Variants in MRTFB observed in about 807,000 individuals in gnomAD.
MRTFB encodes myocardin-related transcription factor B.
MRTFB carries 29 observed loss-of-function variants against 104.2 expected under a neutral mutation model. That is an observed-to-expected ratio of 0.28 (90% CI 0.21 to 0.38). The LOEUF is 0.38. Ranked by LOEUF, MRTFB falls within the 10% of genes least tolerant of loss-of-function variation. MRTFB has a pLI of 1.00. For synonymous variants in MRTFB, 535 were observed against 519.5 expected, an observed-to-expected ratio of 1.03 and a Z score of -0.41; for missense variants, 1,270 against 1,341.6, an observed-to-expected ratio of 0.95 and a Z score of 0.83.
chr16:14,224,356 A>G (rs536730103), intron 8 of MRTFB, among the ~76,000 whole-genome samples: 2 of 152,284 alleles, frequency 1.3e-5, no homozygotes, highest in East Asian at 3.9e-4. Flanking sequence ...TACACCTACT[A>G]CAGTGTGCCT....
rs2043829989 is a variant in MRTFB, at chr16:14,263,086, A to G, written c.*1642A>G. 1 of 152,362 alleles carries G rather than the reference A, an allele frequency of 6.6e-6. No homozygotes were observed. The highest frequency in any genetic ancestry group is 6.5e-5 in the Admixed American group (1 of 15,284). 9.4% of individuals were successfully genotyped at this position (152,362 alleles called of 1,614,324 possible). On this transcript the variant is annotated 3_prime_UTR_variant, in exon 17 of 17. Transcript: ENST00000571589. ...AAAAGTCTGCTTTTCCAGCATGAGC[A>G]CACTGGAGCCCTCTGCTCACTGGCA...
At chr16:14,135,316 C>T (rs1404747241) in intron 2 of MRTFB, among the ~76,000 whole-genome samples, 1 of 152,254 alleles carries the variant, frequency 6.6e-6, no homozygotes, top group Non-Finnish European at 1.5e-5. Flanking sequence ...TACAATCATG[C>T]ACCACATAAC....
the MRTFB span, among the ~76,000 whole-genome samples, chr16:14,051,548 CACAG>C: frequency 6.6e-6 from 1 of 152,000 alleles, no homozygotes; most frequent in South Asian, 2.1e-4. Flanking sequence ...TAAAGACACA[CACAG>C]ACAGTACACT....
intron 3 of MRTFB, among the ~76,000 whole-genome samples, chr16:14,146,888 A>G (rs1481904601): frequency 6.6e-6 from 1 of 152,198 alleles, no homozygotes; most frequent in South Asian, 2.1e-4. Flanking sequence ...GGAAATTTCT[A>G]CTTTTCTCTG....
chr16:14,093,211 T>C (rs2035181292), intron 2 of MRTFB, among the ~76,000 whole-genome samples: 1 of 151,868 alleles, frequency 6.6e-6, no homozygotes, highest in Admixed American at 6.5e-5. Flanking sequence ...GTTGTATTTA[T>C]ATAAAGAGTG....
At chr16:14,080,538 G>A (rs2034335329) in intron 2 of MRTFB, among the ~76,000 whole-genome samples, 1 of 152,152 alleles carries the variant, frequency 6.6e-6, no homozygotes, top group Non-Finnish European at 1.5e-5. Flanking sequence ...GAAGAATACA[G>A]TATATCATAA....
At chr16:14,168,149 T>C (rs1293561133) in intron 3 of MRTFB, among the ~76,000 whole-genome samples, 1 of 152,136 alleles carries the variant, frequency 6.6e-6, no homozygotes, top group Non-Finnish European at 1.5e-5. Context: ...TGGTTGTAGA[T>C]GTGTGGTCTT....
At chr16:14,017,056 CTTT>C in the MRTFB span, among the ~76,000 whole-genome samples, 9 of 125,432 alleles carry the variant, frequency 7.2e-5, no homozygotes, top group African/African-American at 8.8e-5. Context: ...CAGTCTTCTT[CTTT>C]TTTTTTTTTT....
chr16:14,219,176 T>C (rs226786), intron 8 of MRTFB, among the ~76,000 whole-genome samples, 178 bp downstream of exon 8: 12,858 of 152,250 alleles, frequency 0.084, 768 homozygotes, highest in East Asian at 0.3. Flanking sequence ...CCAGCCACTA[T>C]GTCTTCATCA....
chr16:14,004,510 G>A, the MRTFB span, among the ~76,000 whole-genome samples: 3 of 152,164 alleles, frequency 2.0e-5, no homozygotes, highest in African/African-American at 7.2e-5. Context: ...GACATTCAGG[G>A]GCACCATGAT....
chr16:14,162,458 G>A (rs1485400650), intron 3 of MRTFB, among the ~76,000 whole-genome samples: 1 of 152,168 alleles, frequency 6.6e-6, no homozygotes, highest in East Asian at 1.9e-4. Flanking sequence ...ACTATTTGTT[G>A]TAGAGAAAGA....
At chr16:14,224,578 A>G (rs572359383) in intron 8 of MRTFB, among the ~76,000 whole-genome samples, 1 of 152,094 alleles carries the variant, frequency 6.6e-6, no homozygotes, top group South Asian at 2.1e-4. Flanking sequence ...GAATCTTAAA[A>G]GCAGCAAGAG....
chr16:14,095,412 C>A (rs964002166), intron 2 of MRTFB, among the ~76,000 whole-genome samples: 1 of 152,204 alleles, frequency 6.6e-6, no homozygotes. Context: ...TGTTAACACT[C>A]TACCTGCCTG....
intron 16 of MRTFB, among the ~76,000 whole-genome samples, chr16:14,260,648 T>A (rs1384871392): frequency 6.6e-6 from 1 of 152,232 alleles, no homozygotes; most frequent in African/African-American, 2.4e-5. Context: ...TGTAATAAAC[T>A]GGTCTTGGAC....
chr16:14,182,811 T>C (rs2039814444), intron 3 of MRTFB, among the ~76,000 whole-genome samples: 1 of 152,188 alleles, frequency 6.6e-6, no homozygotes, highest in African/African-American at 2.4e-5. Flanking sequence ...TAGCCAAATC[T>C]GGGACAATTT....
the MRTFB span, among the ~76,000 whole-genome samples, chr16:14,063,591 T>TTAGCTCCCAC: frequency 6.6e-6 from 1 of 152,196 alleles, no homozygotes; most frequent in Non-Finnish European, 1.5e-5. Flanking sequence ...CACTTATAAG[T>TTAGCTCCCAC]TAGAACATGT....
At chr16:14,071,178 G>C (rs986082819), upstream of MRTFB, 2 of 152,864 alleles carry the variant, frequency 1.3e-5, no homozygotes, top group African/African-American at 4.8e-5. Context: ...GGACGGAGTC[G>C]GGGGCGAGCA....
the MRTFB span, among the ~76,000 whole-genome samples, chr16:13,996,520 T>C: frequency 6.6e-6 from 1 of 152,224 alleles, no homozygotes; most frequent in Non-Finnish European, 1.5e-5. Context: ...TCAAAAAGTA[T>C]TTATGATGCA....
intron 3 of MRTFB, among the ~76,000 whole-genome samples, chr16:14,189,367 T>TA (rs1376218365): frequency 3.9e-5 from 6 of 152,204 alleles, no homozygotes; most frequent in African/African-American, 1.4e-4. Context: ...CTGGTTACTT[T>TA]ATCTGCTTTT....
Sources: allele counts gnomAD v4.1 joint callset (sites outside exome capture counted in the v4.1 genomes callset), GRCh38; gene constraint gnomAD v4.1.1; transcripts MANE v1.5; gene names NCBI Gene and HGNC (gene_info 2026-07-23, HGNC 2026-07-21).